FDFT1: variants seen among roughly 807,000 people sequenced by gnomAD.
FDFT1 encodes the protein farnesyl-diphosphate farnesyltransferase 1.
Under a neutral mutation model 46.8 loss-of-function variants are expected in FDFT1, and 68 were observed. That is an observed-to-expected ratio of 1.45 (90% CI 1.19 to 1.78). The LOEUF (loss-of-function observed/expected upper bound fraction) is 1.78. Ranked by LOEUF, FDFT1 falls within the 40% of genes most tolerant of loss-of-function variation. FDFT1 has a pLI of 0.00. For synonymous variants in FDFT1, 351 were observed against 185.1 expected (o/e 1.90, Z -7.28); for missense variants, 928 against 524.4 (o/e 1.77, Z -7.52).
chr8:11,808,754 C>G, intron 1 of FDFT1, 40 bp from the exon 2 acceptor site: 2 of 1,604,986 alleles, frequency 1.2e-6, no homozygotes, highest in Non-Finnish European at 1.7e-6. Flanking sequence ...ACTCCTGCTC[C>G]TCGACGTCTC....
chr8:11,816,245 G>A (rs147426205), intron 3 of FDFT1, among the ~76,000 whole-genome samples: 3 of 152,196 alleles, frequency 2.0e-5, no homozygotes, highest in Non-Finnish European at 4.4e-5. Context: ...TTTGGTACCA[G>A]TACCATGCTG....
upstream of FDFT1, among the ~76,000 whole-genome samples, chr8:11,800,787 A>G (rs1240657517): frequency 6.6e-6 from 1 of 152,206 alleles, no homozygotes. Flanking sequence ...ATTTATTCCT[A>G]ATTAAATGGG....
chr8:11,801,880 C>T (rs1208588008), upstream of FDFT1: 8 of 443,808 alleles, frequency 1.8e-5, no homozygotes, highest in Admixed American at 7.5e-5. Flanking sequence ...TTAGTAGAGA[C>T]GGGTTTCACC....
chr8:11,807,069 A>G (rs1199019563), intron 1 of FDFT1, among the ~76,000 whole-genome samples: 1 of 149,124 alleles, frequency 6.7e-6, no homozygotes, highest in Non-Finnish European at 1.5e-5. Context: ...ACCAGAGCCC[A>G]GGGTTCACTG....
At chr8:11,827,494 G>A (rs191293140) in intron 5 of FDFT1, among the ~76,000 whole-genome samples, 58 of 151,638 alleles carry the variant, frequency 3.8e-4, no homozygotes, top group African/African-American at 1.4e-3. Flanking sequence ...CTCCAGCCTC[G>A]GTGGCAGAAT....
intron 5 of FDFT1, among the ~76,000 whole-genome samples, chr8:11,826,858 AGTTACTGTT>A (rs1247882533): frequency 6.6e-6 from 1 of 152,194 alleles, no homozygotes; most frequent in Non-Finnish European, 1.5e-5. Context: ...GCCCTGAATC[AGTTACTGTT>A]GCTACACAGC....
chr8:11,803,925 C>A (rs1806467687), intron 1 of FDFT1: 3 of 152,296 alleles, frequency 2.0e-5, no homozygotes, highest in African/African-American at 7.2e-5. Context: ...CAGTTTTCTT[C>A]ATCTTTTCTT....
intron 3 of FDFT1, among the ~76,000 whole-genome samples, chr8:11,815,555 T>C (rs574799516): frequency 2.6e-5 from 4 of 152,350 alleles, no homozygotes; most frequent in African/African-American, 4.8e-5. Context: ...TTTTAAATGA[T>C]CGCCATTGTA....
upstream of FDFT1, chr8:11,802,188 G>A (rs569912642): frequency 2.3e-6 from 1 of 440,088 alleles, no homozygotes; most frequent in Non-Finnish European, 4.5e-6. Flanking sequence ...CAGGCGAGCT[G>A]GGCTGTGCTC....
intron 7 of FDFT1, among the ~76,000 whole-genome samples, chr8:11,836,392 C>T (rs1045643893): frequency 1.8e-4 from 27 of 152,348 alleles, no homozygotes; most frequent in African/African-American, 5.8e-4. Context: ...AGAGACCTCT[C>T]GCTTCCTGCC....
chr8:11,796,874 T>C (rs79661635), intron 1 of FDFT1, among the ~76,000 whole-genome samples: 421 of 152,334 alleles, frequency 2.8e-3, no homozygotes, highest in African/African-American at 9.5e-3. Flanking sequence ...AACAACTTCA[T>C]TAAAGAGGCA....
intron 1 of FDFT1, among the ~76,000 whole-genome samples, chr8:11,807,298 G>T (rs893529599): frequency 1.3e-5 from 2 of 152,128 alleles, no homozygotes; most frequent in Non-Finnish European, 2.9e-5. Flanking sequence ...CTATAGGTGG[G>T]CGCCACCACA....
chr8:11,813,829 C>G (rs1379414177), intron 3 of FDFT1, among the ~76,000 whole-genome samples: 4 of 152,154 alleles, frequency 2.6e-5, no homozygotes, highest in African/African-American at 9.7e-5. Context: ...TGGCTCAATT[C>G]ACATGTCACG....
At chr8:11,818,142 T>C (rs1808719939) in intron 3 of FDFT1, among the ~76,000 whole-genome samples, 1 of 152,214 alleles carries the variant, frequency 6.6e-6, no homozygotes, top group African/African-American at 2.4e-5. Context: ...CAGGAGCAGG[T>C]TGTTCAGTTT....
At chr8:11,822,413 T>A (rs1026795831) in intron 4 of FDFT1, among the ~76,000 whole-genome samples, 1 of 151,918 alleles carries the variant, frequency 6.6e-6, no homozygotes, top group Non-Finnish European at 1.5e-5. Flanking sequence ...GTCTTGGGCC[T>A]CTTAATTTTT....
chr8:11,835,998 C>G (rs371914351), intron 7 of FDFT1, among the ~76,000 whole-genome samples: 3 of 69,746 alleles, frequency 4.3e-5, no homozygotes, highest in African/African-American at 1.4e-4. Flanking sequence ...AAAAAAAATA[C>G]AAAAGTTAGT....
intron 7 of FDFT1, among the ~76,000 whole-genome samples, chr8:11,837,204 C>T (rs1474805868): frequency 5.3e-5 from 8 of 152,128 alleles, no homozygotes; most frequent in African/African-American, 9.7e-5. Flanking sequence ...ATCGCATGGG[C>T]GAAACAACAG....
intron 1 of FDFT1, among the ~76,000 whole-genome samples, chr8:11,804,143 TAGTGGAAGAGAG>T (rs1806495485): frequency 6.6e-6 from 1 of 152,216 alleles, no homozygotes; most frequent in South Asian, 2.1e-4. Flanking sequence ...ACTTACTTTT[TAGTGGAAGAGAG>T]ACAATTTAAG....
upstream of FDFT1, among the ~76,000 whole-genome samples, chr8:11,797,332 C>T (rs1039012531): frequency 2.6e-5 from 4 of 152,206 alleles, no homozygotes; most frequent in African/African-American, 9.6e-5. Flanking sequence ...GTATGTTCAG[C>T]TTCCAAGTGG....
Sources: allele counts gnomAD v4.1 joint callset (sites outside exome capture counted in the v4.1 genomes callset), GRCh38; gene constraint gnomAD v4.1.1; transcripts MANE v1.5; gene names NCBI Gene and HGNC (gene_info 2026-07-23, HGNC 2026-07-21).